IL22RA1: variants seen among roughly 807,000 people sequenced by gnomAD.
IL22RA1 encodes interleukin 22 receptor subunit alpha 1, also known as interleukin-22 receptor subunit alpha-1.
Under a neutral mutation model 32.8 loss-of-function variants are expected in IL22RA1, and 25 were observed. The ratio of observed to expected loss-of-function variants is 0.76; its 90% CI spans 0.55 to 1.06. IL22RA1 has a LOEUF of 1.06. IL22RA1 is among the 50% of genes least tolerant of loss of function. The pLI, the probability that IL22RA1 is intolerant of heterozygous loss-of-function variation, is 0.00. For synonymous variants in IL22RA1, 305 were observed against 305.0 expected, an observed-to-expected ratio of 1.00 and a Z score of 0.00; for missense variants, 709 against 727.4, an observed-to-expected ratio of 0.97 and a Z score of 0.29.
At chr1:24,141,094 C>G (rs1011098228) in intron 1 of IL22RA1, among the ~76,000 whole-genome samples, 1 of 152,236 alleles carries the variant, frequency 6.6e-6, no homozygotes, top group African/African-American at 2.4e-5. Context: ...TCTGGCCCAG[C>G]AGCTGCAAAA....
intron 5 of IL22RA1, among the ~76,000 whole-genome samples, chr1:24,127,473 A>C (rs1347216995): frequency 6.6e-6 from 1 of 151,682 alleles, no homozygotes; most frequent in Non-Finnish European, 1.5e-5. Context: ...CACCATACCT[A>C]GCTAAGTTTT....
At chr1:24,121,771 G>A in intron 6 of IL22RA1, 34 bp from the exon 7 acceptor site, 1 of 1,438,606 alleles carries the variant, frequency 7.0e-7, no homozygotes, top group Non-Finnish European at 9.2e-7. Context: ...CCCCCCTGTG[G>A]TTAGGGTAAG....
intron 3 of IL22RA1, among the ~76,000 whole-genome samples, chr1:24,135,576 C>A (rs1209456191): frequency 6.6e-6 from 1 of 152,190 alleles, no homozygotes; most frequent in African/African-American, 2.4e-5. Flanking sequence ...AATAAAGACA[C>A]ACCTCAGACT....
chr1:24,128,515 T>C (rs1222322965), intron 4 of IL22RA1, among the ~76,000 whole-genome samples: 1 of 134,632 alleles, frequency 7.4e-6, no homozygotes, highest in Non-Finnish European at 1.6e-5. Context: ...ACACACTATA[T>C]AATGTGGTTA....
chr1:24,121,117 G>A lies in IL22RA1; in HGVS notation c.1413C>T (p.Cys471=). The change falls in exon 7 of 7, where the codon TGC becomes TGT. Residue 471 remains cysteine (C), a synonymous_variant. Transcript: ENST00000270800. ...AKSLHQPLGI[C]TDRTSDPNVL... ...CATTTGGGTCAGATGTTCTGTCTGT[G>A]CAAATCCCCAGGGGCTGGTGCAATG... The A allele has an allele frequency of 6.2e-7, 1 of 1,614,180 alleles. No homozygotes were observed.
In IL22RA1 at chr1:24,120,999, G is replaced by A; in HGVS notation, c.1531C>T (p.Leu511Phe). ...SVQIEGHPMS[L>F]PLQPPSRPCS... ...GGACGGGAAGGAGGTTGCAAAGGGA[G>A]GGACATGGGGTGGCCCTCGATCTGG... Residue 511 changes from leucine to phenylalanine, a missense_variant, in exon 7 of 7, where the codon CTC becomes TTC. By Grantham distance (22) the Leu-to-Phe change is conservative. Transcript: ENST00000270800. 2 of 1,614,118 alleles carry A rather than the reference G, an allele frequency of 1.2e-6. No homozygotes were observed. The highest frequency in any genetic ancestry group is 1.1e-5 in the South Asian group (1 of 91,064).
At chr1:24,138,459 G>T in intron 2 of IL22RA1, 123 bp downstream of exon 2, 1 of 1,000,058 alleles carries the variant, frequency 1.0e-6, no homozygotes, top group East Asian at 2.5e-5. Context: ...AGCTTTATCT[G>T]GGAGGGGCTA....
At chr1:24,128,332 T>TA in intron 4 of IL22RA1, 53 bp from the exon 5 acceptor site, 1 of 1,609,306 alleles carries the variant, frequency 6.2e-7, no homozygotes, top group South Asian at 1.1e-5. Context: ...GATCTCCACA[T>TA]AGAGCCCAAG....
chr1:24,140,818 G>A (rs1438106040), intron 1 of IL22RA1, among the ~76,000 whole-genome samples: 3 of 152,264 alleles, frequency 2.0e-5, no homozygotes, highest in Non-Finnish European at 4.4e-5. Flanking sequence ...GTGGGAAAAT[G>A]TTAAGCAACC....
In IL22RA1 at chr1:24,120,243, C is replaced by G. The variant is rs1644110095; in HGVS notation, c.*562G>C. 6.6e-6 allele frequency: 1 copy of G among 152,396 alleles called. No homozygotes were observed. Among genetic ancestry groups the G allele is most frequent in the South Asian group, 2.1e-4 (1 of 4,832 alleles). 9.4% of individuals were successfully genotyped at this position (152,396 alleles called of 1,614,324 possible). A position where few individuals can be genotyped will look rare whatever the true frequency, so the allele number is the denominator to read the frequency against. The stretch of plus-strand genomic sequence containing the variant: ...GAATGAGCTGCAGGCCACACCCCTC[C>G]CTAGAGTCCTGCCGTCCTGCTGGCC... On this transcript the variant is annotated 3_prime_UTR_variant, in exon 7 of 7. Transcript: ENST00000270800.
intron 5 of IL22RA1, among the ~76,000 whole-genome samples, chr1:24,127,583 G>A (rs182888123): frequency 6.6e-6 from 1 of 152,294 alleles, no homozygotes; most frequent in Non-Finnish European, 1.5e-5. Flanking sequence ...AAAGTGTTTG[G>A]TTTACAGGTG....
At chr1:24,134,523 G>T in intron 3 of IL22RA1, 137 bp from the exon 4 acceptor site, 1 of 592,104 alleles carries the variant, frequency 1.7e-6, no homozygotes, top group Non-Finnish European at 2.6e-6. Context: ...TGAAAGCAAC[G>T]GCTAAACAAA....
intron 4 of IL22RA1, among the ~76,000 whole-genome samples, chr1:24,133,794 C>A (rs1164260157): frequency 6.6e-6 from 1 of 152,100 alleles, no homozygotes; most frequent in Non-Finnish European, 1.5e-5. Flanking sequence ...TTGTATTAAA[C>A]AAATTGATAA....
chr1:24,128,139 A>T lies in IL22RA1; in HGVS notation c.670+2T>A. ...CCTCCCTCTGGTTTCAGCCGAACTC[A>T]CCTGGCAGTGTCTTCACTCGGCACA... On this transcript the variant is annotated splice_donor_variant, in intron 5 of 6. Transcript: ENST00000270800. LOFTEE classifies it high-confidence loss of function. 3 of 1,527,330 alleles carry T rather than the reference A, an allele frequency of 2.0e-6. No homozygotes were observed. The highest frequency in any genetic ancestry group is 2.6e-6 in the Non-Finnish European group (3 of 1,135,032). 94.6% of individuals were successfully genotyped at this position (1,527,330 alleles called of 1,614,324 possible).
intron 6 of IL22RA1, 40 bp from the exon 7 acceptor site, chr1:24,121,777 G>T (rs1196706683): frequency 7.0e-7 from 1 of 1,428,058 alleles, no homozygotes. Context: ...TGTGGTTAGG[G>T]TAAGTCCCAA....
chr1:24,121,652 C>T lies in IL22RA1; in HGVS notation c.878G>A (p.Ser293Asn). 6.2e-7 allele frequency: 1 copy of T among 1,609,498 alleles called. No homozygotes were observed. Among genetic ancestry groups the T allele is most frequent in the Non-Finnish European group, 8.5e-7 (1 of 1,177,218 alleles). Residue 293 changes from serine (S) to asparagine (N), a missense_variant, in exon 7 of 7, where the codon AGC (serine) becomes AAC (asparagine). Physicochemically the swap from Ser to Asn is conservative, Grantham distance 46. Coordinates refer to ENST00000270800, the MANE Select transcript of IL22RA1 (RefSeq NM_021258.4). ...LIPVFDLSGP[S>N]SLAQPVQYSQ... ...GTACTGGACAGGCTGGGCCAGACTG[C>T]TGGGGCCGCTGAGGTCAAAGACAGG...
intron 3 of IL22RA1, 133 bp from the exon 4 acceptor site, chr1:24,134,519 C>G (rs1644228978): frequency 1.7e-6 from 1 of 606,008 alleles, no homozygotes; most frequent in African/African-American, 1.9e-5. Flanking sequence ...CTTCTGAAAG[C>G]AACGGCTAAA....
At chr1:24,131,926 C>T (rs1231307842) in intron 4 of IL22RA1, among the ~76,000 whole-genome samples, 2 of 152,098 alleles carry the variant, frequency 1.3e-5, no homozygotes, top group East Asian at 3.8e-4. Context: ...GTTCTCTGAC[C>T]ACAAATTGAA....
chr1:24,142,184 C>G (rs143607401), intron 1 of IL22RA1, among the ~76,000 whole-genome samples: 37 of 152,202 alleles, frequency 2.4e-4, no homozygotes, highest in Admixed American at 7.2e-4. Context: ...GCCCTGGAGA[C>G]GCAGGCAGCC....
Sources: gnomAD v4.1 joint callset for allele counts (sites outside exome capture counted in the v4.1 genomes callset) on GRCh38, gnomAD v4.1.1 for gene constraint, MANE v1.5 for transcripts, NCBI Gene and HGNC (gene_info 2026-07-23, HGNC 2026-07-21) for gene names.